The following CD82 variants were observed in gnomAD, a reference collection of about 807,000 sequenced individuals.
The protein encoded by CD82 is CD82 antigen.
In CD82, 36 loss-of-function variants were observed where a neutral mutation model predicts 37.4. The ratio of observed to expected loss-of-function variants is 0.96; its 90% CI spans 0.74 to 1.27. CD82 has a LOEUF of 1.27. Ranked by LOEUF, CD82 falls within the 50% of genes most tolerant of loss-of-function variation. The probability of loss-of-function intolerance (pLI) is 0.00; values close to 1 mark genes in which losing one functional copy is unlikely to be tolerated. For missense variants in CD82, 340 were observed against 347.0 expected (o/e 0.98, Z 0.16); for synonymous variants, 158 against 137.4 (o/e 1.15, Z -1.05).
chr11:44,612,763 G>GT (rs1305028529), intron 6 of CD82, among the ~76,000 whole-genome samples: 1 of 150,608 alleles, frequency 6.6e-6, no homozygotes, highest in Non-Finnish European at 1.5e-5. Context: ...CTCGCGAGTA[G>GT]CTGGGACTAC....
intron 6 of CD82, among the ~76,000 whole-genome samples, chr11:44,611,402 C>T (rs1590348881): frequency 6.6e-6 from 1 of 152,310 alleles, no homozygotes; most frequent in South Asian, 2.1e-4. Flanking sequence ...CATCCTACCA[C>T]ATTGATGGAA....
intron 1 of CD82, among the ~76,000 whole-genome samples, chr11:44,578,320 G>A (rs143570676): frequency 6.7e-4 from 102 of 152,282 alleles, no homozygotes; most frequent in African/African-American, 2.3e-3. Flanking sequence ...TGTGGGAAGA[G>A]AGCCAGGGAG....
chr11:44,587,682 A>G, intron 2 of CD82, 126 bp downstream of exon 2: 1 of 435,750 alleles, frequency 2.3e-6, no homozygotes. Flanking sequence ...TGGAGGGACC[A>G]CTTCTTCCCC....
chr11:44,589,037 AC>A (rs1853101807), intron 2 of CD82, among the ~76,000 whole-genome samples: 3 of 152,204 alleles, frequency 2.0e-5, no homozygotes. Context: ...CAGGTGTATC[AC>A]CTGAGGTTAA....
chr11:44,591,425 C>A (rs528461751), intron 2 of CD82, among the ~76,000 whole-genome samples: 1 of 152,336 alleles, frequency 6.6e-6, no homozygotes, highest in East Asian at 1.9e-4. Flanking sequence ...ATGGGAATAC[C>A]AGCCCAGCCA....
intron 2 of CD82, 143 bp from the exon 3 acceptor site, chr11:44,594,500 T>C: frequency 1.6e-6 from 1 of 624,570 alleles, no homozygotes; most frequent in Non-Finnish European, 2.9e-6. Flanking sequence ...TTCCTAGCTG[T>C]GTGGCTTTGG....
intron 1 of CD82, among the ~76,000 whole-genome samples, chr11:44,576,962 C>T (rs1330849997): frequency 2.6e-5 from 4 of 152,084 alleles, no homozygotes; most frequent in South Asian, 4.2e-4. Context: ...GCCCCTAAGA[C>T]GGGAGAACTC....
chr11:44,592,751 G>C (rs1853163615), intron 2 of CD82, among the ~76,000 whole-genome samples: 1 of 152,182 alleles, frequency 6.6e-6, no homozygotes, highest in South Asian at 2.1e-4. Context: ...AGTTGCCCAG[G>C]TTGCACTGCC....
At chr11:44,595,387 G>A (rs1347532075) in intron 3 of CD82, among the ~76,000 whole-genome samples, 2 of 152,146 alleles carry the variant, frequency 1.3e-5, no homozygotes, top group African/African-American at 4.8e-5. Flanking sequence ...ATGGTGGGGT[G>A]TGTGTGTGAG....
At chr11:44,606,553 T>A (rs1010245037) in intron 6 of CD82, 1 of 150,792 alleles carries the variant, frequency 6.6e-6, no homozygotes, top group Admixed American at 6.6e-5. Flanking sequence ...AGGCTGAGAA[T>A]GTGAGTATCC....
chr11:44,589,447 A>G (rs1468562868), intron 2 of CD82, among the ~76,000 whole-genome samples: 1 of 152,278 alleles, frequency 6.6e-6, no homozygotes, highest in Non-Finnish European at 1.5e-5. Context: ...ACAAGAAAGC[A>G]TAACATTGGA....
rs983111077 is a variant in CD82 at position 44,615,344 on chromosome 11, C to T, written c.409C>T (p.Gln137Ter). ...CAACAGCAGTCGCGAGGACAGCCTG[C>T]AGGATGCCTGGGACTACGTGCAGGC... is the stretch of plus-strand genomic sequence containing the variant. ...DYNSSREDSL[Q>*]DAWDYVQAQV... The change falls in exon 7 of 10, where the codon CAG becomes TAG. Residue 137 changes from glutamine (Q) to a stop codon, truncating the protein, a stop_gained. Transcript: ENST00000227155. LOFTEE classifies it high-confidence loss of function. 6 of 1,613,062 alleles carry T rather than the reference C, an allele frequency of 3.7e-6. No homozygotes were observed. The highest frequency in any genetic ancestry group is 4.2e-6 in the Non-Finnish European group (5 of 1,179,146).
chr11:44,601,401 C>T (rs550281380), intron 4 of CD82, among the ~76,000 whole-genome samples: 9 of 152,168 alleles, frequency 5.9e-5, no homozygotes, highest in Non-Finnish European at 8.8e-5. Flanking sequence ...CTTTCACCCT[C>T]CATTCTGGGG....
At chr11:44,591,227 T>G (rs963285561) in intron 2 of CD82, among the ~76,000 whole-genome samples, 4 of 151,986 alleles carry the variant, frequency 2.6e-5, no homozygotes, top group Admixed American at 2.6e-4. Flanking sequence ...AGCCCATGGG[T>G]GGTGTAAGGG....
At chr11:44,572,293 A>G (rs1852825088) in intron 1 of CD82, among the ~76,000 whole-genome samples, 1 of 152,216 alleles carries the variant, frequency 6.6e-6, no homozygotes, top group African/African-American at 2.4e-5. Flanking sequence ...ACGAAATACA[A>G]TTATATAGAT....
At chr11:44,616,291 C>T (rs987864681) in intron 7 of CD82, among the ~76,000 whole-genome samples, 1 of 152,064 alleles carries the variant, frequency 6.6e-6, no homozygotes, top group African/African-American at 2.4e-5. Context: ...CTGGCCCTGA[C>T]CGAGGAGATC....
intron 1 of CD82, among the ~76,000 whole-genome samples, chr11:44,581,527 C>T (rs1852978713): frequency 6.6e-6 from 1 of 152,226 alleles, no homozygotes; most frequent in Non-Finnish European, 1.5e-5. Flanking sequence ...GAGATGCAGT[C>T]AGCAGGCTGC....
At chr11:44,589,113 G>A (rs941057506) in intron 2 of CD82, among the ~76,000 whole-genome samples, 4 of 152,170 alleles carry the variant, frequency 2.6e-5, no homozygotes, top group Non-Finnish European at 5.9e-5. Flanking sequence ...AAAGTTAGCC[G>A]GGCATGATGG....
intron 1 of CD82, among the ~76,000 whole-genome samples, chr11:44,566,536 C>T (rs1001899422): frequency 4.6e-5 from 7 of 152,290 alleles, no homozygotes; most frequent in South Asian, 2.1e-4. Flanking sequence ...GCCCCAGTAG[C>T]GGGGCAGCAT....
Sources: allele counts gnomAD v4.1 joint callset (sites outside exome capture counted in the v4.1 genomes callset), GRCh38; gene constraint gnomAD v4.1.1; transcripts MANE v1.5; gene names NCBI Gene and HGNC (gene_info 2026-07-23, HGNC 2026-07-21).